The following RAP1B variants were observed in gnomAD, a reference collection of about 807,000 sequenced individuals.
The protein encoded by RAP1B is ras-related protein Rap-1b.
Under a neutral mutation model 27.5 loss-of-function variants are expected in RAP1B, and 1 was observed. The observed-to-expected ratio is 0.04, with a 90% CI of 0.01 to 0.17. The LOEUF (loss-of-function observed/expected upper bound fraction) is 0.17, where lower values mean the gene tolerates loss of function less well. Among genes scored for constraint, RAP1B ranks in the 10% least tolerant of loss-of-function variants. The pLI is 1.00. For synonymous variants in RAP1B, 75 were observed against 73.1 expected (o/e 1.03, Z -0.13); for missense variants, 84 against 214.8 (o/e 0.39, Z 3.81).
rs956429737 is a variant in RAP1B, at chr12:68,667,237, T to C, written c.*7988T>C. The C allele has an allele frequency of 2.0e-5, 3 of 152,244 alleles. No homozygotes were observed. Among genetic ancestry groups the C allele is most frequent in the Non-Finnish European group, 4.4e-5 (3 of 68,040 alleles). 9.4% of individuals were successfully genotyped at this position (152,244 alleles called of 1,614,324 possible). A position where few individuals can be genotyped will look rare whatever the true frequency, so the allele number is the denominator to read the frequency against. ...TGATTCATATGAGAGAAAATTAGTG[T>C]TTCTGAGACCAAATGGTGGTGTTTA... On this transcript the variant is annotated 3_prime_UTR_variant, in exon 8 of 8. Coordinates refer to ENST00000250559, the MANE Select transcript of RAP1B (RefSeq NM_001010942.3).
intron 3 of RAP1B, 62 bp downstream of exon 3, chr12:68,650,530 TATA>T: frequency 8.0e-7 from 1 of 1,257,104 alleles, no homozygotes; most frequent in South Asian, 1.7e-5. Context: ...ATTTTAGCTT[TATA>T]ATTATTGAAT....
intron 1 of RAP1B, among the ~76,000 whole-genome samples, chr12:68,647,617 C>G (rs1258834173): frequency 7.0e-6 from 1 of 143,432 alleles, no homozygotes; most frequent in African/African-American, 2.6e-5. Flanking sequence ...GACTGCTGGT[C>G]TTACAGGATT....
At chr12:68,621,036 T>A (rs1209740485) in intron 1 of RAP1B, among the ~76,000 whole-genome samples, 1 of 152,062 alleles carries the variant, frequency 6.6e-6, no homozygotes, top group Non-Finnish European at 1.5e-5. Context: ...CTAGAGAGAT[T>A]AAAATGGAGA....
chr12:68,631,200 A>T (rs1481016219), intron 1 of RAP1B, among the ~76,000 whole-genome samples: 1 of 152,214 alleles, frequency 6.6e-6, no homozygotes, highest in Non-Finnish European at 1.5e-5. Context: ...CACATAGCAG[A>T]TACTTAATAT....
At chr12:68,616,653 C>T (rs1470026086) in intron 1 of RAP1B, among the ~76,000 whole-genome samples, 1 of 151,862 alleles carries the variant, frequency 6.6e-6, no homozygotes, top group Non-Finnish European at 1.5e-5. Context: ...AGGCTGGTCT[C>T]GAATTCCTGA....
intron 1 of RAP1B, among the ~76,000 whole-genome samples, chr12:68,636,779 G>C (rs1872659895): frequency 6.6e-6 from 1 of 151,868 alleles, no homozygotes; most frequent in African/African-American, 2.4e-5. Flanking sequence ...TCAGCCTCCG[G>C]AGTAGCTGGG....
At chr12:68,645,482 T>A (rs1873339563) in intron 1 of RAP1B, among the ~76,000 whole-genome samples, 2 of 152,258 alleles carry the variant, frequency 1.3e-5, no homozygotes, top group Admixed American at 1.3e-4. Flanking sequence ...ATTGACATAT[T>A]TCAAAGTGCT....
rs966030861 is a variant in RAP1B at position 68,660,375 on chromosome 12, A to G, written c.*1126A>G. ...GTGTGTCTATCCAACAGGGAGCCAC[A>G]GTATTTAAATTGACCAACCTAATGT... is the stretch of plus-strand genomic sequence containing the variant. On this transcript the variant is annotated 3_prime_UTR_variant, in exon 8 of 8. Coordinates refer to ENST00000250559, the MANE Select transcript of RAP1B (RefSeq NM_001010942.3). The G allele has an allele frequency of 1.7e-4, 26 of 151,488 alleles. No homozygotes were observed. The highest frequency in any genetic ancestry group is 5.6e-4 in the African/African-American group (23 of 41,116). The allele number at this position is 151,488 out of a possible 1,614,324, so 9.4% of individuals were successfully genotyped here. A position where few individuals can be genotyped will look rare whatever the true frequency, so the allele number is the denominator to read the frequency against.
chr12:68,633,642 A>G (rs1344405749), intron 1 of RAP1B, among the ~76,000 whole-genome samples: 2 of 152,116 alleles, frequency 1.3e-5, no homozygotes, highest in Non-Finnish European at 2.9e-5. Context: ...AGGCCGAGGC[A>G]GGCGGCTCTT....
chr12:68,663,397 G>C lies in RAP1B; in HGVS notation c.*4148G>C, dbSNP rs1356666994. 3 of 152,132 alleles carry C rather than the reference G, an allele frequency of 2.0e-5. No individual in the cohort carries two copies. Among genetic ancestry groups the C allele is most frequent in the Non-Finnish European group, 4.4e-5 (3 of 68,026 alleles). 9.4% of individuals were successfully genotyped at this position (152,132 alleles called of 1,614,324 possible). ...CATTTGATATTTCAAGAATACATGA[G>C]AGAAGAGAGGTAGATTGAGAACAGA... is the stretch of plus-strand genomic sequence containing the variant. On this transcript the variant is annotated 3_prime_UTR_variant, in exon 8 of 8. Transcript: ENST00000250559.
At chr12:68,624,165 A>G (rs144151709) in intron 1 of RAP1B, among the ~76,000 whole-genome samples, 3 of 152,276 alleles carry the variant, frequency 2.0e-5, no homozygotes, top group African/African-American at 7.2e-5. Context: ...TTTGCCAAGG[A>G]ATTGTTTGAC....
At position 68,668,317 on chromosome 12, in the gene RAP1B, A is replaced by C. The variant is rs886636420; in HGVS notation, c.*9068A>C. ...ATACTGTATCAGAGGAGCCAGTTGC[A>C]CAGTGTTGATCTCCCTAAGACTATT... On this transcript the variant is annotated 3_prime_UTR_variant, in exon 8 of 8. Coordinates refer to ENST00000250559, the MANE Select transcript of RAP1B (RefSeq NM_001010942.3). 1 of 152,198 alleles carries C rather than the reference A, an allele frequency of 6.6e-6. No individual in the cohort carries two copies. The highest frequency in any genetic ancestry group is 2.4e-5 in the African/African-American group (1 of 41,450). The allele number at this position is 152,198 out of a possible 1,614,324, so 9.4% of individuals were successfully genotyped here. A position where few individuals can be genotyped will look rare whatever the true frequency, so the allele number is the denominator to read the frequency against.
At chr12:68,639,370 G>C (rs1339190912) in intron 1 of RAP1B, among the ~76,000 whole-genome samples, 1 of 151,958 alleles carries the variant, frequency 6.6e-6, no homozygotes, top group Non-Finnish European at 1.5e-5. Context: ...CAAAATATAC[G>C]ACTTTTTAAA....
chr12:68,652,497 TTTG>T (rs886882786), intron 4 of RAP1B, among the ~76,000 whole-genome samples: 2 of 152,076 alleles, frequency 1.3e-5, no homozygotes, highest in African/African-American at 4.8e-5. Flanking sequence ...TTTAAATCTT[TTTG>T]TTGTTGTTCC....
chr12:68,644,900 C>A (rs989426590), intron 1 of RAP1B, among the ~76,000 whole-genome samples: 1 of 151,882 alleles, frequency 6.6e-6, no homozygotes, highest in Non-Finnish European at 1.5e-5. Flanking sequence ...CCAGGCTGGT[C>A]TTGAACTTCT....
chr12:68,641,761 G>A lies in RAP1B; in HGVS notation c.-26-6938G>A, dbSNP rs1473610200. 2.7e-5 allele frequency among the ~76,000 whole-genome samples: 4 copies of A among 150,928 alleles called. No individual in the cohort carries two copies. The South Asian group carries it at 6.3e-4, about 24-fold the overall frequency. The stretch of plus-strand genomic sequence containing the variant: ...AAATACTTATGCATTTGAAAAAATC[G>A]ATGCATTCCACAGTTCCTCTGAATC... On this transcript the variant is annotated intron_variant, in intron 1 of 7. Coordinates refer to ENST00000250559, the MANE Select transcript of RAP1B (RefSeq NM_001010942.3).
intron 1 of RAP1B, among the ~76,000 whole-genome samples, chr12:68,619,293 G>A (rs1321566736): frequency 6.6e-6 from 1 of 152,148 alleles, no homozygotes; most frequent in South Asian, 2.1e-4. Flanking sequence ...GAAAATAGTG[G>A]TAGTATTTAT....
At chr12:68,611,535 C>T (rs1439597174) in intron 1 of RAP1B, among the ~76,000 whole-genome samples, 2 of 152,182 alleles carry the variant, frequency 1.3e-5, no homozygotes, top group East Asian at 3.9e-4. Flanking sequence ...GAAGACCTAG[C>T]TTCTCCCAGC....
At chr12:68,623,287 T>G (rs1420935406) in intron 1 of RAP1B, among the ~76,000 whole-genome samples, 1 of 152,114 alleles carries the variant, frequency 6.6e-6, no homozygotes, top group Non-Finnish European at 1.5e-5. Flanking sequence ...ACCCTTAGGA[T>G]CTAGTAGTTA....
Sources: allele counts gnomAD v4.1 joint callset (sites outside exome capture counted in the v4.1 genomes callset), GRCh38; gene constraint gnomAD v4.1.1; transcripts MANE v1.5; gene names NCBI Gene and HGNC (gene_info 2026-07-23, HGNC 2026-07-21).